Variants in EHBP1 observed in about 807,000 individuals in gnomAD.
EHBP1 encodes EH domain binding protein 1.
In EHBP1, 55 loss-of-function variants were observed where a neutral mutation model predicts 144.0. The ratio of observed to expected loss-of-function variants is 0.38; its 90% CI spans 0.31 to 0.48. The LOEUF (loss-of-function observed/expected upper bound fraction) is 0.48, where lower values mean the gene tolerates loss of function less well. EHBP1 is among the 20% of genes least tolerant of loss of function. EHBP1 has a pLI of 0.98. For synonymous variants in EHBP1, 469 were observed against 472.7 expected (o/e 0.99, Z 0.10); for missense variants, 1,200 against 1,364.2 (o/e 0.88, Z 1.90).
intron 3 of EHBP1, among the ~76,000 whole-genome samples, chr2:62,758,827 A>G (rs1456096764): frequency 6.6e-6 from 1 of 152,212 alleles, no homozygotes; most frequent in African/African-American, 2.4e-5. Flanking sequence ...CTAGCTGCAG[A>G]GCTTTGCCTA....
At chr2:62,790,025 A>T (rs1195143246) in intron 5 of EHBP1, among the ~76,000 whole-genome samples, 1 of 152,218 alleles carries the variant, frequency 6.6e-6, no homozygotes, top group East Asian at 1.9e-4. Context: ...TCCTAGTTTT[A>T]TAGGCCTTAT....
chr2:62,679,657 G>A (rs1360704393), intron 1 of EHBP1, among the ~76,000 whole-genome samples: 2 of 151,904 alleles, frequency 1.3e-5, no homozygotes, highest in Non-Finnish European at 2.9e-5. Context: ...ATTTCTCAAC[G>A]GTAATAAAAG....
intron 19 of EHBP1, among the ~76,000 whole-genome samples, chr2:63,016,220 T>C (rs1010685051): frequency 9.2e-5 from 14 of 152,322 alleles, no homozygotes; most frequent in African/African-American, 3.1e-4. Context: ...ATTGTTCCTT[T>C]CTGGAAGCAA....
intron 9 of EHBP1, among the ~76,000 whole-genome samples, chr2:62,869,497 T>C (rs933065343): frequency 2.0e-5 from 3 of 152,192 alleles, no homozygotes; most frequent in Admixed American, 1.3e-4. Flanking sequence ...GCAAGATCAT[T>C]ATACTGAGTG....
intron 10 of EHBP1, among the ~76,000 whole-genome samples, chr2:62,900,585 C>A (rs1264586448): frequency 6.6e-6 from 1 of 151,308 alleles, no homozygotes; most frequent in East Asian, 1.9e-4. Context: ...CACACTACTG[C>A]ATTCCAGCCT....
intron 10 of EHBP1, among the ~76,000 whole-genome samples, chr2:62,911,602 C>T (rs1212018387): frequency 5.3e-5 from 8 of 152,156 alleles, no homozygotes; most frequent in Non-Finnish European, 1.2e-4. Context: ...GCTGGGATTA[C>T]AGGCGCCCAT....
Position 62,897,693 on chromosome 2 carries a change from C to G in EHBP1, c.1185+23161C>G, listed in dbSNP as rs145945900. ...TTCCAAACTTCTTCTCAACATTTCTCTTGCTGCAAAATTGAAATGTATTTT... is the reference window on the plus strand; with the variant it reads ...TTCCAAACTTCTTCTCAACATTTCTGTTGCTGCAAAATTGAAATGTATTTT... On this transcript the variant is annotated intron_variant, in intron 10 of 22. Coordinates refer to ENST00000431489, the MANE Select transcript of EHBP1 (RefSeq NM_001142616.3). Among the ~76,000 whole-genome samples the G allele has an allele frequency of 1.9e-3, 290 of 152,290 alleles. 1 individual carries two copies. The highest frequency in any genetic ancestry group is 6.7e-3 in the African/African-American group (278 of 41,566).
rs78032898 is a variant in EHBP1, at chr2:62,931,712, G to A, written c.1186-11006G>A. Among the ~76,000 whole-genome samples the A allele has an allele frequency of 4.1e-3, 618 of 152,250 alleles. 3 individuals are homozygous for A. Among genetic ancestry groups the A allele is most frequent in the African/African-American group, 0.014 (590 of 41,536 alleles). On this transcript the variant is annotated intron_variant, in intron 10 of 22. Coordinates refer to ENST00000431489, the MANE Select transcript of EHBP1 (RefSeq NM_001142616.3). Reference sequence around the variant, plus strand: ...AATCTCACAGCATCCCTCTTCTTCCGTGCAGGATGTGAATCATCCCCTTGT... The same window carrying A: ...AATCTCACAGCATCCCTCTTCTTCCATGCAGGATGTGAATCATCCCCTTGT...
intron 10 of EHBP1, among the ~76,000 whole-genome samples, chr2:62,936,395 C>A (rs74986872): frequency 0.021 from 3,204 of 152,166 alleles, 82 homozygotes; most frequent in African/African-American, 0.064. Context: ...TTAATTTAGT[C>A]TTTTCAAAGA....
chr2:62,974,726 CA>C (rs1157817594), intron 14 of EHBP1, among the ~76,000 whole-genome samples: 3 of 152,112 alleles, frequency 2.0e-5, no homozygotes, highest in Non-Finnish European at 2.9e-5. Context: ...TGCTTCATAT[CA>C]AAAAACATAT....
rs1480624398 is a variant in EHBP1 at position 62,942,827 on chromosome 2, A to G, written c.1295A>G (p.Asn432Ser). 3.1e-6 allele frequency: 5 copies of G among 1,613,546 alleles called. No homozygotes were observed. The highest frequency in any genetic ancestry group is 1.3e-5 in the African/African-American group (1 of 74,934). Residue 432 changes from asparagine to serine, a missense_variant, in exon 11 of 23, where the codon AAT becomes AGT. Physicochemically the swap from Asn to Ser is conservative, Grantham distance 46. Around this residue, in one of 6 missense-constraint regions of EHBP1, gnomAD observed 94 missense variants for 143.0 expected, o/e 0.66. Transcript: ENST00000431489. Reference sequence around the variant, plus strand: ...AACTACCGAGGAGTAAAAATCACCAATTTTACTACATCGTGGAGAAATGGT... The same window carrying G: ...AACTACCGAGGAGTAAAAATCACCAGTTTTACTACATCGTGGAGAAATGGT... Reference protein sequence around the residue: ...TKNYRGVKITNFTTSWRNGLS... With the variant: ...TKNYRGVKITSFTTSWRNGLS...
At chr2:62,792,724 T>A (rs2043244790) in intron 5 of EHBP1, among the ~76,000 whole-genome samples, 1 of 152,048 alleles carries the variant, frequency 6.6e-6, no homozygotes, top group Non-Finnish European at 1.5e-5. Context: ...TGCTATGTGT[T>A]TATAAATACC....
chr2:62,920,197 G>A (rs994289095), intron 10 of EHBP1, among the ~76,000 whole-genome samples: 3 of 152,174 alleles, frequency 2.0e-5, no homozygotes, highest in Admixed American at 1.3e-4. Flanking sequence ...ATTCAACACT[G>A]TTGAATGACA....
chr2:63,031,240 G>A (rs2061235318), intron 19 of EHBP1, among the ~76,000 whole-genome samples: 1 of 152,174 alleles, frequency 6.6e-6, no homozygotes, highest in East Asian at 1.9e-4. Context: ...TGGGTAGAAT[G>A]GAGTCAGCCA....
At chr2:62,781,677 A>C (rs2042431599) in intron 5 of EHBP1, among the ~76,000 whole-genome samples, 1 of 152,196 alleles carries the variant, frequency 6.6e-6, no homozygotes, top group Non-Finnish European at 1.5e-5. Flanking sequence ...GTGCAACAGC[A>C]TGTCGTTCAC....
chr2:62,797,768 A>G (rs1360088200), intron 5 of EHBP1, among the ~76,000 whole-genome samples: 1 of 152,222 alleles, frequency 6.6e-6, no homozygotes, highest in Admixed American at 6.5e-5. Context: ...TTGAATTCCT[A>G]TAGCTATCTA....
At chr2:63,010,698 G>A (rs561995430) in intron 19 of EHBP1, among the ~76,000 whole-genome samples, 3 of 151,756 alleles carry the variant, frequency 2.0e-5, no homozygotes, top group African/African-American at 7.2e-5. Flanking sequence ...CTAGGTTCCA[G>A]TGGTTTTAGG....
chr2:62,859,126 C>T (rs1448516120), intron 7 of EHBP1, 43 bp from the exon 8 acceptor site: 3 of 1,555,506 alleles, frequency 1.9e-6, no homozygotes, highest in Non-Finnish European at 2.6e-6. Context: ...TCAATACTTA[C>T]ACTTAACCAT....
intron 18 of EHBP1, among the ~76,000 whole-genome samples, chr2:62,996,352 C>CT (rs1363443819): frequency 6.6e-6 from 1 of 152,032 alleles, no homozygotes; most frequent in Non-Finnish European, 1.5e-5. Flanking sequence ...TGACTTAACT[C>CT]TAAGGAGAAT....
Sources: allele counts gnomAD v4.1 joint callset (sites outside exome capture counted in the v4.1 genomes callset), GRCh38; gene constraint gnomAD v4.1.1; regional missense constraint gnomAD v4.1.1; transcripts MANE v1.5; gene names NCBI Gene and HGNC (gene_info 2026-07-23, HGNC 2026-07-21).